Variants in RARB observed in about 807,000 individuals in gnomAD.
RARB encodes the protein HBV-activated protein.
A neutral mutation model predicts 51.9 loss-of-function variants in RARB; 17 were observed. The observed-to-expected ratio is 0.33, with a 90% CI of 0.22 to 0.49. The LOEUF (loss-of-function observed/expected upper bound fraction) is 0.49. Among genes scored for constraint, RARB ranks in the 20% least tolerant of loss-of-function variants. The probability of loss-of-function intolerance (pLI) is 0.99; values close to 1 mark genes in which losing one functional copy is unlikely to be tolerated. For missense variants in RARB, 369 were observed against 550.8 expected, an observed-to-expected ratio of 0.67 and a Z score of 3.30; for synonymous variants, 215 against 195.4, an observed-to-expected ratio of 1.10 and a Z score of -0.84.
At chr3:25,065,168 GA>G (rs1698636829) in intron 3 of RARB, among the ~76,000 whole-genome samples, 5 of 151,250 alleles carry the variant, frequency 3.3e-5, no homozygotes, top group African/African-American at 1.2e-4. Flanking sequence ...ATTATTGTGA[GA>G]TTTTTAAAAA....
chr3:25,115,269 T>A (rs1699666938), intron 3 of RARB, among the ~76,000 whole-genome samples: 1 of 152,178 alleles, frequency 6.6e-6, no homozygotes, highest in Non-Finnish European at 1.5e-5. Context: ...ACATTTAACA[T>A]AAATATTTAA....
chr3:25,395,370 T>G (rs1219538079), intron 5 of RARB, among the ~76,000 whole-genome samples: 1 of 152,212 alleles, frequency 6.6e-6, no homozygotes, highest in Non-Finnish European at 1.5e-5. Context: ...TTGATGACTA[T>G]GTGCATAGGT....
At chr3:25,024,868 G>A (rs531304588) in intron 2 of RARB, 104 of 147,238 alleles carry the variant, frequency 7.1e-4, no homozygotes, top group Non-Finnish European at 1.1e-3. Context: ...CAGGAGGATC[G>A]CTTGAACCTG....
chr3:25,028,676 G>C (rs1697804235), intron 2 of RARB, among the ~76,000 whole-genome samples: 2 of 152,114 alleles, frequency 1.3e-5, no homozygotes, highest in Non-Finnish European at 2.9e-5. Context: ...GAGGAAACCT[G>C]GTTTACCGGG....
chr3:24,978,711 T>C (rs563644423), intron 2 of RARB, among the ~76,000 whole-genome samples: 231 of 151,302 alleles, frequency 1.5e-3, no homozygotes, highest in Middle Eastern at 3.4e-3. Context: ...AGCTCCTGGA[T>C]TGATTTTTTT....
At chr3:25,199,344 T>A (rs1255479813) in intron 5 of RARB, among the ~76,000 whole-genome samples, 1 of 151,886 alleles carries the variant, frequency 6.6e-6, no homozygotes, top group Non-Finnish European at 1.5e-5. Flanking sequence ...GGATGGTTAT[T>A]GGGTATAAAA....
intron 2 of RARB, among the ~76,000 whole-genome samples, chr3:25,012,502 C>T (rs1389828326): frequency 2.6e-5 from 4 of 152,080 alleles, no homozygotes; most frequent in African/African-American, 7.2e-5. Flanking sequence ...GGACTGTCAG[C>T]TCCTCCTTCT....
intron 2 of RARB, among the ~76,000 whole-genome samples, chr3:25,014,746 C>G (rs1368163147): frequency 3.9e-5 from 6 of 151,922 alleles, no homozygotes; most frequent in Non-Finnish European, 7.4e-5. Context: ...ATTCCTAGAG[C>G]TAGAGAGTGA....
At chr3:25,190,014 A>G (rs959597229) in intron 5 of RARB, among the ~76,000 whole-genome samples, 1 of 152,102 alleles carries the variant, frequency 6.6e-6, no homozygotes, top group Admixed American at 6.6e-5. Flanking sequence ...AGTAATGTTT[A>G]GGAGAGACTT....
At chr3:25,234,732 G>A (rs1702263766) in intron 5 of RARB, among the ~76,000 whole-genome samples, 1 of 151,676 alleles carries the variant, frequency 6.6e-6, no homozygotes, top group Admixed American at 6.6e-5. Context: ...TTAAACTCTT[G>A]TACATTTCAG....
chr3:25,420,245 G>A (rs925093488), intron 5 of RARB, among the ~76,000 whole-genome samples: 1 of 152,134 alleles, frequency 6.6e-6, no homozygotes, highest in Non-Finnish European at 1.5e-5. Flanking sequence ...TTCTCTGTCA[G>A]ACACTAGGAT....
At chr3:24,914,029 G>C (rs1306513984) in intron 2 of RARB, among the ~76,000 whole-genome samples, 1 of 152,196 alleles carries the variant, frequency 6.6e-6, no homozygotes, top group Non-Finnish European at 1.5e-5. Context: ...AGGGAAATGG[G>C]TATGGCCAAG....
In RARB at chr3:25,131,262, T is replaced by C. The variant is rs568917530; in HGVS notation, c.-327-899T>C. Among the ~76,000 whole-genome samples the C allele has an allele frequency of 2.0e-5, 3 of 152,098 alleles. No individual in the cohort carries two copies. In the South Asian group the frequency reaches 6.2e-4, roughly 32 times the overall value. On this transcript the variant is annotated intron_variant, in intron 3 of 11. Coordinates refer to the RARB transcript ENST00000383772. ...CAAGGACAACATGACTCAGTTAAGG[T>C]TTACTGGCTTCCCCTGAGTTCCTAA...
intron 4 of RARB, among the ~76,000 whole-genome samples, chr3:25,149,617 C>T (rs754623567): frequency 3.8e-4 from 58 of 152,328 alleles, no homozygotes; most frequent in Middle Eastern, 3.4e-3. Flanking sequence ...TCACCCTCTA[C>T]TATTTAAATT....
intron 2 of RARB, among the ~76,000 whole-genome samples, chr3:24,931,368 C>T (rs1216853217): frequency 6.6e-6 from 1 of 152,042 alleles, no homozygotes; most frequent in African/African-American, 2.4e-5. Flanking sequence ...CCTTATTTGG[C>T]CCTATTTCCT....
At chr3:24,902,093 T>C (rs1703620999) in intron 2 of RARB, among the ~76,000 whole-genome samples, 1 of 152,094 alleles carries the variant, frequency 6.6e-6, no homozygotes, top group African/African-American at 2.4e-5. Flanking sequence ...TCTAACTTCA[T>C]AATCATTGTA....
chr3:25,175,519 C>T (rs998081528), intron 5 of RARB, among the ~76,000 whole-genome samples: 1 of 152,270 alleles, frequency 6.6e-6, no homozygotes. Context: ...TTGTGCTCTT[C>T]GTGCCTTCAG....
chr3:25,068,412 T>C (rs1307760715), intron 3 of RARB, among the ~76,000 whole-genome samples: 3 of 151,938 alleles, frequency 2.0e-5, no homozygotes, highest in East Asian at 1.9e-4. Flanking sequence ...ATTTGAAAGA[T>C]AGTTTGAGGA....
At chr3:25,312,297 C>G (rs920856272) in intron 5 of RARB, among the ~76,000 whole-genome samples, 4 of 152,104 alleles carry the variant, frequency 2.6e-5, no homozygotes, top group Non-Finnish European at 5.9e-5. Flanking sequence ...AAAACACATT[C>G]ATATTCACTG....
Sources: allele counts gnomAD v4.1 joint callset (sites outside exome capture counted in the v4.1 genomes callset), GRCh38; gene constraint gnomAD v4.1.1; transcripts MANE v1.5; gene names NCBI Gene and HGNC (gene_info 2026-07-23, HGNC 2026-07-21).